Variants in SDK1 observed in about 807,000 individuals in gnomAD.
SDK1 encodes the protein sidekick cell adhesion molecule 1.
A neutral mutation model predicts 245.5 loss-of-function variants in SDK1; 157 were observed. The observed-to-expected ratio is 0.64, with a 90% confidence interval of 0.56 to 0.73. The LOEUF is 0.73. SDK1 is among the 30% of genes least tolerant of loss of function. The probability of loss-of-function intolerance (pLI) is 0.00; values close to 1 mark genes in which losing one functional copy is unlikely to be tolerated. For synonymous variants in SDK1, 1,647 were observed against 1,278.5 expected (o/e 1.29, Z -6.15); for missense variants, 3,583 against 3,002.3 (o/e 1.19, Z -4.52).
chr7:3,669,404 C>G (rs1234491329), intron 4 of SDK1, among the ~76,000 whole-genome samples: 1 of 152,140 alleles, frequency 6.6e-6, no homozygotes, highest in Admixed American at 6.5e-5. Flanking sequence ...TCTTGAAGAT[C>G]TACTTCTGCT....
At chr7:4,235,690 C>A (rs1481642870) in intron 41 of SDK1, among the ~76,000 whole-genome samples, 1 of 152,230 alleles carries the variant, frequency 6.6e-6, no homozygotes, top group Admixed American at 6.5e-5. Context: ...TCATGCGGAA[C>A]GTGCACTTTG....
chr7:3,305,668 G>A (rs1779397678), intron 1 of SDK1, among the ~76,000 whole-genome samples: 1 of 152,130 alleles, frequency 6.6e-6, no homozygotes, highest in Non-Finnish European at 1.5e-5. Context: ...TCTTAATAAA[G>A]AGTCTTGCTT....
At chr7:3,709,216 A>G (rs1784966948) in intron 4 of SDK1, among the ~76,000 whole-genome samples, 1 of 152,228 alleles carries the variant, frequency 6.6e-6, no homozygotes, top group Non-Finnish European at 1.5e-5. Context: ...TCTGCTGGAT[A>G]CAAAATTCTT....
chr7:3,681,647 C>G (rs564729231), intron 4 of SDK1, among the ~76,000 whole-genome samples: 2 of 152,244 alleles, frequency 1.3e-5, no homozygotes, highest in South Asian at 4.2e-4. Context: ...AATATAAGCT[C>G]CAAAGATCAT....
intron 4 of SDK1, among the ~76,000 whole-genome samples, chr7:3,799,659 C>T (rs570997609): frequency 6.8e-5 from 10 of 146,192 alleles, no homozygotes; most frequent in South Asian, 2.2e-4. Context: ...GAGCCAAAAT[C>T]GCGCCACTGC....
At chr7:3,824,943 C>T (rs1779734323) in intron 5 of SDK1, among the ~76,000 whole-genome samples, 2 of 152,110 alleles carry the variant, frequency 1.3e-5, no homozygotes, top group African/African-American at 2.4e-5. Flanking sequence ...ACCGATATTC[C>T]TGTAGGGAAG....
At chr7:4,095,850 A>G (rs143079567) in intron 22 of SDK1, among the ~76,000 whole-genome samples, 2,076 of 152,346 alleles carry the variant, frequency 0.014, 34 homozygotes, top group African/African-American at 0.036. Context: ...CTGGCATTAC[A>G]GGTGTGAGCC....
intron 1 of SDK1, among the ~76,000 whole-genome samples, chr7:3,574,126 T>C (rs1444466189): frequency 1.3e-5 from 2 of 151,664 alleles, no homozygotes; most frequent in Non-Finnish European, 2.9e-5. Context: ...TTTTTTTCTT[T>C]TTTTTTTTGA....
chr7:4,037,251 G>C (rs766602091), intron 17 of SDK1, among the ~76,000 whole-genome samples: 6 of 152,188 alleles, frequency 3.9e-5, no homozygotes, highest in Non-Finnish European at 7.3e-5. Context: ...AATCGAACAA[G>C]CTTCGACTGC....
At chr7:4,049,538 C>T in intron 18 of SDK1, 75 bp downstream of exon 18, 3 of 1,121,676 alleles carry the variant, frequency 2.7e-6, no homozygotes, top group Non-Finnish European at 4.0e-6. Context: ...CTGGAGGCAC[C>T]CCCTCTTGTG....
intron 4 of SDK1, among the ~76,000 whole-genome samples, chr7:3,769,936 C>CTGTGTGTGTGTGTGTG (rs34066132): frequency 6.9e-6 from 1 of 144,650 alleles, no homozygotes; most frequent in Non-Finnish European, 1.5e-5. Context: ...TACTTATTGT[C>CTGTGTGTGTGTGTGTG]TGTGTGTGTG....
At chr7:3,469,952 T>C (rs1781129252) in intron 1 of SDK1, among the ~76,000 whole-genome samples, 1 of 152,200 alleles carries the variant, frequency 6.6e-6, no homozygotes, top group South Asian at 2.1e-4. Flanking sequence ...GATTTGCTTC[T>C]GGCATGAAGG....
chr7:4,145,117 A>C (rs904062216), intron 28 of SDK1, among the ~76,000 whole-genome samples: 1 of 152,198 alleles, frequency 6.6e-6, no homozygotes, highest in Non-Finnish European at 1.5e-5. Context: ...ACTGGGCAGC[A>C]CAGGGGGATT....
chr7:3,887,176 A>G (rs1562513963), intron 5 of SDK1, among the ~76,000 whole-genome samples: 1 of 152,182 alleles, frequency 6.6e-6, no homozygotes, highest in Non-Finnish European at 1.5e-5. Context: ...TCAGGGGTCC[A>G]GGCTGCTTTG....
intron 5 of SDK1, among the ~76,000 whole-genome samples, chr7:3,832,938 T>C (rs879741963): frequency 2.6e-5 from 4 of 152,062 alleles, no homozygotes; most frequent in South Asian, 2.1e-4. Flanking sequence ...TAAACTGTTA[T>C]TTTGCCCAGG....
intron 17 of SDK1, among the ~76,000 whole-genome samples, chr7:4,042,857 G>A (rs544812494): frequency 1.4e-4 from 22 of 152,158 alleles, no homozygotes; most frequent in Non-Finnish European, 2.6e-4. Flanking sequence ...ACTCTTTCTC[G>A]CTTGAGGGCA....
At chr7:4,035,240 C>T (rs6954175) in intron 17 of SDK1, among the ~76,000 whole-genome samples, 47,735 of 152,012 alleles carry the variant, frequency 0.31, 11,746 homozygotes, top group African/African-American at 0.69. Flanking sequence ...CCACCTTGGC[C>T]TCTCAAAGTG....
chr7:3,453,796 G>A (rs1780592792), intron 1 of SDK1, among the ~76,000 whole-genome samples: 2 of 152,110 alleles, frequency 1.3e-5, no homozygotes, highest in Middle Eastern at 6.8e-3. Context: ...GCCCAGGCTG[G>A]TCTCAAGCGA....
intron 4 of SDK1, among the ~76,000 whole-genome samples, chr7:3,731,638 G>A (rs564670237): frequency 2.2e-4 from 33 of 152,090 alleles, no homozygotes; most frequent in African/African-American, 7.2e-4. Context: ...TCATTTTGTC[G>A]TCTCACCTAT....
Sources: allele counts gnomAD v4.1 joint callset (sites outside exome capture counted in the v4.1 genomes callset), GRCh38; gene constraint gnomAD v4.1.1; transcripts MANE v1.5; gene names NCBI Gene and HGNC (gene_info 2026-07-23, HGNC 2026-07-21).